Variants in WDFY3 observed in about 807,000 individuals in gnomAD.
The protein encoded by WDFY3 is WD repeat and FYVE domain containing 3.
In WDFY3, 66 loss-of-function variants were observed where a neutral mutation model predicts 409.6. The ratio of observed to expected loss-of-function variants is 0.16; its 90% confidence interval spans 0.13 to 0.20. The LOEUF (loss-of-function observed/expected upper bound fraction) is 0.20, where lower values mean the gene tolerates loss of function less well. WDFY3 is among the 10% of genes least tolerant of loss of function. WDFY3 has a pLI of 1.00. For synonymous variants in WDFY3, 1,521 were observed against 1,537.1 expected (o/e 0.99, Z 0.25); for missense variants, 3,031 against 4,298.1 (o/e 0.71, Z 8.24).
intron 15 of WDFY3, among the ~76,000 whole-genome samples, chr4:84,805,009 C>A (rs1031504013): frequency 2.0e-5 from 3 of 152,132 alleles, no homozygotes; most frequent in African/African-American, 7.2e-5. Context: ...ACTTTTTAAG[C>A]ACCCACATGA....
intron 7 of WDFY3, among the ~76,000 whole-genome samples, chr4:84,833,245 C>T (rs1202442708): frequency 6.6e-6 from 1 of 152,096 alleles, no homozygotes; most frequent in African/African-American, 2.4e-5. Flanking sequence ...GAAAAGTTAA[C>T]TTTTCTTCTC....
At position 84,753,112 on chromosome 4, in the gene WDFY3, C is replaced by A. The variant is rs192318947; in HGVS notation, c.5739+585G>T. Among the ~76,000 whole-genome samples, 626 of 152,184 alleles carry A rather than the reference C, an allele frequency of 4.1e-3. 4 individuals are homozygous for A. Among genetic ancestry groups the A allele is most frequent in the African/African-American group, 0.014 (585 of 41,528 alleles). On this transcript the variant is annotated intron_variant, in intron 35 of 67. Transcript: ENST00000295888. ...TGAATACATTTTCAAAGCAGGAAAC[C>A]AGGCAGCATTTTTGGGCTTATTTTA...
intron 50 of WDFY3, 92 bp from the exon 51 acceptor site, chr4:84,713,331 A>C (rs1733262863): frequency 8.4e-7 from 1 of 1,195,412 alleles, no homozygotes; most frequent in Non-Finnish European, 1.2e-6. Flanking sequence ...TTAGATTTTC[A>C]TAGTTGCGTC....
chr4:84,766,095 A>C, intron 31 of WDFY3, 68 bp from the exon 32 acceptor site: 25 of 1,548,874 alleles, frequency 1.6e-5, no homozygotes, highest in Non-Finnish European at 2.2e-5. Context: ...ATTTCAAATC[A>C]AAAAGGAAAA....
chr4:84,837,112 A>C (rs1387399926), intron 6 of WDFY3, 22 bp from the exon 7 acceptor site: 1 of 1,484,366 alleles, frequency 6.7e-7, no homozygotes, highest in East Asian at 2.5e-5. Context: ...GCCAATAAAT[A>C]AGTGAATAGA....
At chr4:84,860,367 T>C (rs776737061) in intron 4 of WDFY3, 45 bp downstream of exon 4, 80 of 1,554,304 alleles carry the variant, frequency 5.1e-5, no homozygotes, top group Non-Finnish European at 6.4e-5. Flanking sequence ...ATTCTTGTAG[T>C]GCCCCCCAGT....
chr4:84,954,004 T>C (rs1773937577), intron 1 of WDFY3, among the ~76,000 whole-genome samples: 1 of 152,154 alleles, frequency 6.6e-6, no homozygotes, highest in Non-Finnish European at 1.5e-5. Context: ...CTACCTATCT[T>C]ATCTCCACTA....
At chr4:84,868,421 T>G (rs902048724) in intron 3 of WDFY3, among the ~76,000 whole-genome samples, 5 of 152,086 alleles carry the variant, frequency 3.3e-5, no homozygotes, top group African/African-American at 1.2e-4. Flanking sequence ...CATATAGTCC[T>G]GAATTAGAAT....
At chr4:84,849,316 T>C (rs187912476) in intron 5 of WDFY3, among the ~76,000 whole-genome samples, 14 of 150,962 alleles carry the variant, frequency 9.3e-5, no homozygotes, top group East Asian at 2.0e-4. Context: ...ACCCAGGAGG[T>C]TGAGAAGAAA....
At chr4:84,780,425 A>C (rs1325650708) in intron 25 of WDFY3, 127 bp from the exon 26 acceptor site, 30 of 1,025,384 alleles carry the variant, frequency 2.9e-5, no homozygotes, top group South Asian at 8.1e-5. Context: ...TCTATAATGC[A>C]AATTCTAGGG....
At chr4:84,762,650 G>C (rs773778062) in intron 32 of WDFY3, among the ~76,000 whole-genome samples, 1 of 151,966 alleles carries the variant, frequency 6.6e-6, no homozygotes, top group Non-Finnish European at 1.5e-5. Flanking sequence ...ATAAGTGGAG[G>C]CACTATGATT....
At chr4:84,698,160 T>C (rs1237639358) in intron 56 of WDFY3, among the ~76,000 whole-genome samples, 2 of 152,158 alleles carry the variant, frequency 1.3e-5, no homozygotes, top group African/African-American at 2.4e-5. Flanking sequence ...CAAATTTTGC[T>C]ACAATCCTTG....
intron 5 of WDFY3, among the ~76,000 whole-genome samples, chr4:84,847,491 G>A (rs1035105480): frequency 6.6e-6 from 1 of 151,524 alleles, no homozygotes; most frequent in African/African-American, 2.4e-5. Context: ...AAACCGCCGG[G>A]CGCAGTGGCT....
At chr4:84,691,935 T>C in intron 59 of WDFY3, 150 bp from the exon 60 acceptor site, 1 of 815,332 alleles carries the variant, frequency 1.2e-6, no homozygotes, top group East Asian at 2.7e-5. Context: ...AGCTGGGCTT[T>C]TGAATCTCCT....
chr4:84,954,340 G>C (rs1030512841), intron 1 of WDFY3, among the ~76,000 whole-genome samples: 12 of 152,058 alleles, frequency 7.9e-5, no homozygotes, highest in African/African-American at 2.9e-4. Context: ...AACTGATATA[G>C]AGTTTATTTT....
chr4:84,885,903 C>A (rs1399527256), intron 3 of WDFY3, among the ~76,000 whole-genome samples: 3 of 152,132 alleles, frequency 2.0e-5, no homozygotes, highest in Non-Finnish European at 4.4e-5. Flanking sequence ...TCATTGGAAG[C>A]AATTTTTTGG....
intron 36 of WDFY3, among the ~76,000 whole-genome samples, chr4:84,744,575 C>T (rs1413909439): frequency 6.6e-6 from 1 of 151,942 alleles, no homozygotes; most frequent in African/African-American, 2.4e-5. Context: ...AAGAAGGGGC[C>T]GGGCGCGGTG....
intron 36 of WDFY3, among the ~76,000 whole-genome samples, chr4:84,745,883 T>C (rs886449006): frequency 1.3e-5 from 2 of 152,164 alleles, no homozygotes; most frequent in Non-Finnish European, 2.9e-5. Flanking sequence ...TTTTAAGTGA[T>C]TAACAGCAGA....
chr4:84,896,196 C>A (rs1765606647), intron 3 of WDFY3, among the ~76,000 whole-genome samples: 1 of 151,960 alleles, frequency 6.6e-6, no homozygotes, highest in African/African-American at 2.4e-5. Context: ...GCAGAGGTTG[C>A]AGTGAGCCGA....
Sources: allele counts gnomAD v4.1 joint callset (sites outside exome capture counted in the v4.1 genomes callset), GRCh38; gene constraint gnomAD v4.1.1; transcripts MANE v1.5; gene names NCBI Gene and HGNC (gene_info 2026-07-23, HGNC 2026-07-21).